HIBCH: variants seen among roughly 807,000 people sequenced by gnomAD.
HIBCH encodes the protein 3-hydroxyisobutyryl-CoA hydrolase, mitochondrial.
In HIBCH, 50 loss-of-function variants were observed where a neutral mutation model predicts 58.2. The ratio of observed to expected loss-of-function variants is 0.86; its 90% CI spans 0.68 to 1.09. The LOEUF (loss-of-function observed/expected upper bound fraction) is 1.09, where lower values mean the gene tolerates loss of function less well. Ranked by LOEUF, HIBCH falls within the 50% of genes least tolerant of loss-of-function variation. The probability of loss-of-function intolerance (pLI) is 0.00; values close to 1 mark genes in which losing one functional copy is unlikely to be tolerated. For synonymous variants in HIBCH, 151 were observed against 146.9 expected, an observed-to-expected ratio of 1.03 and a Z score of -0.20; for missense variants, 450 against 449.7, an observed-to-expected ratio of 1.00 and a Z score of -0.01.
chr2:190,255,460 TG>T (rs1293185844), intron 7 of HIBCH, among the ~76,000 whole-genome samples: 1 of 152,226 alleles, frequency 6.6e-6, no homozygotes, highest in Non-Finnish European at 1.5e-5. Context: ...AGTAGCCATC[TG>T]GGAGACTTAT....
intron 11 of HIBCH, among the ~76,000 whole-genome samples, chr2:190,241,156 C>A (rs1009896477): frequency 2.6e-5 from 4 of 152,170 alleles, no homozygotes; most frequent in African/African-American, 9.7e-5. Context: ...CTGGGTGCTC[C>A]TGTATTGGTG....
chr2:190,265,990 CT>C (rs879496964), intron 6 of HIBCH, among the ~76,000 whole-genome samples: 187 of 144,708 alleles, frequency 1.3e-3, no homozygotes, highest in African/African-American at 1.7e-3. Context: ...GATTTTAAAT[CT>C]TTTTTTTTTT....
At chr2:190,272,476 C>A (rs1687425576) in intron 6 of HIBCH, among the ~76,000 whole-genome samples, 1 of 152,176 alleles carries the variant, frequency 6.6e-6, no homozygotes, top group Non-Finnish European at 1.5e-5. Flanking sequence ...CAATAAGAAA[C>A]AGAAACCTCT....
chr2:190,255,360 C>T (rs1040092229), intron 7 of HIBCH, among the ~76,000 whole-genome samples: 1 of 152,174 alleles, frequency 6.6e-6, no homozygotes, highest in Non-Finnish European at 1.5e-5. Flanking sequence ...CAATATTCTG[C>T]TCTCAGTTCT....
chr2:190,244,760 G>A, intron 11 of HIBCH, 127 bp downstream of exon 11: 1 of 771,628 alleles, frequency 1.3e-6, no homozygotes. Context: ...ACCTAAATTT[G>A]GGAAAAAAGA....
At chr2:190,196,450 T>C (rs1689980285) in intron 1 of HIBCH, among the ~76,000 whole-genome samples, 1 of 152,084 alleles carries the variant, frequency 6.6e-6, no homozygotes, top group Non-Finnish European at 1.5e-5. Context: ...TAGTTTTTCC[T>C]TTATTTTCTT....
Position 190,256,980 on chromosome 2 carries a change from AG to A in HIBCH, c.517+4175del, listed in dbSNP as rs1686942644. 4.6e-5 allele frequency among the ~76,000 whole-genome samples: 7 copies of A among 152,368 alleles called. No homozygotes were observed. The South Asian group carries it at 1.4e-3, about 32-fold the overall frequency. On this transcript the variant is annotated intron_variant, in intron 7 of 13. Transcript: ENST00000359678. ...TGAATGAAGCATAAGTGAGCCTTAT[AG>A]AAGTATGACCAGAATTCCTGAAAAC...
In HIBCH at chr2:190,301,559, T is replaced by C. The variant is rs375025165; in HGVS notation, c.79-4606A>G. On this transcript the variant is annotated intron_variant, in intron 2 of 13. Transcript: ENST00000359678. ...TTTAGGGGAATGGAACTCCTCTGCA[T>C]GTATTGGGGTGGTGGGTACATGCTT... Among the ~76,000 whole-genome samples the C allele has an allele frequency of 5.3e-5, 8 of 152,310 alleles. No individual in the cohort carries two copies. In the East Asian group the frequency reaches 5.8e-4, roughly 11 times the overall value.
In HIBCH at chr2:190,236,638, A is replaced by T. The variant is rs147411852; in HGVS notation, c.891+8249T>A. Among the ~76,000 whole-genome samples, 2,846 of 152,330 alleles carry T rather than the reference A, an allele frequency of 0.019. 39 individuals carry two copies. Among genetic ancestry groups the T allele is most frequent in the Non-Finnish European group, 0.029 (2,004 of 68,006 alleles). ...CCAATCTGAAATGTCATATTACTAT[A>T]TAAAGACCAAAACAGACCTTCAAAA... On this transcript the variant is annotated intron_variant, in intron 11 of 13. Transcript: ENST00000359678. The surrounding 1 kb of genome is among the most constrained non-coding windows in gnomAD (Gnocchi z 4.1).
At chr2:190,273,271 T>G (rs1361590789) in intron 6 of HIBCH, among the ~76,000 whole-genome samples, 1 of 152,076 alleles carries the variant, frequency 6.6e-6, no homozygotes, top group Non-Finnish European at 1.5e-5. Context: ...CACGCGCCTG[T>G]AATCCTAGCT....
At chr2:190,222,014 A>G (rs1360573966) in intron 11 of HIBCH, among the ~76,000 whole-genome samples, 4 of 152,204 alleles carry the variant, frequency 2.6e-5, no homozygotes, top group African/African-American at 9.7e-5. Context: ...GTGAAGGTGC[A>G]AAAGTCTGGC....
At chr2:190,292,138 A>G (rs1176954161) in intron 4 of HIBCH, among the ~76,000 whole-genome samples, 1 of 151,794 alleles carries the variant, frequency 6.6e-6, no homozygotes, top group African/African-American at 2.4e-5. Context: ...ATGTGCCACC[A>G]TGCCTGGCTA....
At chr2:190,259,319 ATGTG>A (rs370172555) in intron 7 of HIBCH, among the ~76,000 whole-genome samples, 4,788 of 122,122 alleles carry the variant, frequency 0.039, 152 homozygotes, top group African/African-American at 0.11. Flanking sequence ...CAGTATACAG[ATGTG>A]TGTGTGTGTG....
At chr2:190,253,052 G>A (rs910761963) in intron 7 of HIBCH, among the ~76,000 whole-genome samples, 1 of 152,116 alleles carries the variant, frequency 6.6e-6, no homozygotes, top group Non-Finnish European at 1.5e-5. Flanking sequence ...AGCCGGGCAT[G>A]GTGGCGCATG....
At chr2:190,255,850 T>A (rs921590040) in intron 7 of HIBCH, among the ~76,000 whole-genome samples, 45 of 143,642 alleles carry the variant, frequency 3.1e-4, no homozygotes, top group Middle Eastern at 3.5e-3. Context: ...AGAGAGAGAG[T>A]GTGTGTGTGT....
chr2:190,244,736 GA>G (rs1686555789), intron 11 of HIBCH, 150 bp downstream of exon 11: 27 of 733,248 alleles, frequency 3.7e-5, no homozygotes, highest in South Asian at 3.1e-4. Context: ...TAGTGGAACT[GA>G]TTTCTGAAGC....
rs139365598 is a variant in HIBCH, at chr2:190,246,717, C to T, written c.751-505G>A. On this transcript the variant is annotated intron_variant, in intron 9 of 13. Coordinates refer to ENST00000359678, the MANE Select transcript of HIBCH (RefSeq NM_014362.4). ...AACCAATGCTAGCATGTTTATAGTT[C>T]TAGTTAATCTCTTTCACCTTAACCA... Among the ~76,000 whole-genome samples the T allele has an allele frequency of 4.2e-3, 642 of 152,322 alleles. 2 individuals carry two copies. Among genetic ancestry groups the T allele is most frequent in the African/African-American group, 0.014 (594 of 41,576 alleles).
At chr2:190,271,445 G>A (rs902799705) in intron 6 of HIBCH, among the ~76,000 whole-genome samples, 2 of 151,514 alleles carry the variant, frequency 1.3e-5, no homozygotes, top group African/African-American at 2.4e-5. Flanking sequence ...GCGCACCACT[G>A]GGCCCAGCTA....
intron 11 of HIBCH, among the ~76,000 whole-genome samples, chr2:190,239,243 T>C (rs1022292797): frequency 6.6e-6 from 1 of 152,242 alleles, no homozygotes; most frequent in East Asian, 1.9e-4. Flanking sequence ...TTGATTGTTT[T>C]TGTCAGGTTT....
Sources: allele counts gnomAD v4.1 joint callset (sites outside exome capture counted in the v4.1 genomes callset), GRCh38; gene constraint gnomAD v4.1.1; non-coding constraint Gnocchi (gnomAD v3.1); transcripts MANE v1.5; gene names NCBI Gene and HGNC (gene_info 2026-07-23, HGNC 2026-07-21).